The following PIK3AP1 variants were observed in gnomAD, a reference collection of about 807,000 sequenced individuals.
PIK3AP1 encodes phosphoinositide 3-kinase adapter protein 1.
In PIK3AP1, 21 loss-of-function variants were observed where a neutral mutation model predicts 88.1. The ratio of observed to expected loss-of-function variants is 0.24; its 90% CI spans 0.17 to 0.34. The LOEUF (loss-of-function observed/expected upper bound fraction) is 0.34. Ranked by LOEUF, PIK3AP1 falls within the 10% of genes least tolerant of loss-of-function variation. The pLI is 1.00. For synonymous variants in PIK3AP1, 398 were observed against 400.0 expected (o/e 1.00, Z 0.06); for missense variants, 828 against 1,035.7 (o/e 0.80, Z 2.75).
intron 2 of PIK3AP1, among the ~76,000 whole-genome samples, chr10:96,704,134 C>T (rs1844332820): frequency 6.6e-6 from 1 of 152,038 alleles, no homozygotes; most frequent in Non-Finnish European, 1.5e-5. Context: ...GTGAACGCAC[C>T]GAATCTATGA....
intron 2 of PIK3AP1, among the ~76,000 whole-genome samples, chr10:96,694,539 CTTT>C (rs34190226): frequency 9.3e-6 from 1 of 107,598 alleles, no homozygotes; most frequent in African/African-American, 3.3e-5. Context: ...TCCTTTCTTT[CTTT>C]TTTTTTTTTT....
chr10:96,634,872 A>C (rs1179251787), intron 8 of PIK3AP1, among the ~76,000 whole-genome samples: 1 of 152,158 alleles, frequency 6.6e-6, no homozygotes. Flanking sequence ...GCTATAGAGG[A>C]GGATCTGTCT....
At chr10:96,657,014 A>T in intron 2 of PIK3AP1, 80 bp from the exon 3 acceptor site, 1 of 1,453,460 alleles carries the variant, frequency 6.9e-7, no homozygotes, top group Non-Finnish European at 9.4e-7. Flanking sequence ...AGAGCCCCAA[A>T]TATTGCAAAA....
chr10:96,618,139 G>A (rs1053725333), intron 12 of PIK3AP1, among the ~76,000 whole-genome samples: 5 of 152,176 alleles, frequency 3.3e-5, no homozygotes, highest in African/African-American at 7.2e-5. Flanking sequence ...GGATTCTGCC[G>A]TATTAAATAT....
At chr10:96,656,009 C>T (rs1314117802) in intron 3 of PIK3AP1, among the ~76,000 whole-genome samples, 2 of 152,210 alleles carry the variant, frequency 1.3e-5, no homozygotes, top group African/African-American at 4.8e-5. Context: ...CCTCAGCCTG[C>T]ACAAAACCAC....
Position 96,692,512 on chromosome 10 carries a change from T to G in PIK3AP1, c.430+17055A>C, listed in dbSNP as rs114179081. Among the ~76,000 whole-genome samples, 860 of 151,558 alleles carry G rather than the reference T, an allele frequency of 5.7e-3. 8 individuals carry two copies. The highest frequency in any genetic ancestry group is 0.02 in the African/African-American group (827 of 41,222). On this transcript the variant is annotated intron_variant, in intron 2 of 16. Coordinates refer to ENST00000339364, the MANE Select transcript of PIK3AP1 (RefSeq NM_152309.3). ...TCGCTTGAACCAGGGAGCTGGAGAT[T>G]GCAGTGAGCCGAGATCGCCACTGCA...
At position 96,652,716 on chromosome 10, in the gene PIK3AP1, T is replaced by G; in HGVS notation, c.694A>C (p.Ile232Leu). The stretch of plus-strand genomic sequence containing the variant: ...TACTTACTGGGAGCCTTCACTGAAA[T>G]GGTGTACTCATTCTCCACCTTGGCT... ...MEAKVENEYTISVKAPNLSSG... is the reference protein window; with the variant it reads ...MEAKVENEYTLSVKAPNLSSG... The change falls in exon 4 of 17, where the codon ATT (isoleucine) becomes CTT (leucine). Residue 232 changes from isoleucine (I) to leucine (L), a missense_variant. Coordinates refer to ENST00000339364, the MANE Select transcript of PIK3AP1 (RefSeq NM_152309.3). 1 of 1,614,118 alleles carries G rather than the reference T, an allele frequency of 6.2e-7. No individual in the cohort carries two copies. Among genetic ancestry groups the G allele is most frequent in the Non-Finnish European group, 8.5e-7 (1 of 1,179,996 alleles).
intron 14 of PIK3AP1, among the ~76,000 whole-genome samples, chr10:96,608,076 C>T (rs912485): frequency 0.82 from 124,820 of 152,134 alleles, 51,426 homozygotes; most frequent in East Asian, 0.99. Flanking sequence ...AGGGGAAAAG[C>T]ACAGTTTATT....
At chr10:96,715,824 A>G (rs1383109540) in intron 1 of PIK3AP1, among the ~76,000 whole-genome samples, 1 of 151,508 alleles carries the variant, frequency 6.6e-6, no homozygotes, top group Non-Finnish European at 1.5e-5. Context: ...CGGGAGGCGG[A>G]GCTTGCAGTG....
intron 10 of PIK3AP1, 94 bp downstream of exon 10, chr10:96,626,614 C>T: frequency 7.5e-7 from 1 of 1,339,964 alleles, no homozygotes; most frequent in Non-Finnish European, 1.0e-6. Context: ...AGGGGATAGT[C>T]TCTGAGCAAT....
chr10:96,675,798 GTTAATA>G (rs1297046451), intron 2 of PIK3AP1, among the ~76,000 whole-genome samples: 1 of 152,148 alleles, frequency 6.6e-6, no homozygotes, highest in Non-Finnish European at 1.5e-5. Context: ...TCATTTCTCT[GTTAATA>G]TTAATAACAA....
chr10:96,670,748 A>G (rs1267762743), intron 2 of PIK3AP1, among the ~76,000 whole-genome samples: 1 of 152,206 alleles, frequency 6.6e-6, no homozygotes, highest in Admixed American at 6.5e-5. Context: ...TATTTTTCTT[A>G]AGTTGAAAAC....
chr10:96,657,045 C>A, intron 2 of PIK3AP1, 111 bp from the exon 3 acceptor site: 1 of 1,119,652 alleles, frequency 8.9e-7, no homozygotes, highest in South Asian at 1.5e-5. Context: ...CTCTGAATGT[C>A]AAACCAATAC....
At chr10:96,699,016 A>T (rs1844258598) in intron 2 of PIK3AP1, among the ~76,000 whole-genome samples, 1 of 149,074 alleles carries the variant, frequency 6.7e-6, no homozygotes, top group Non-Finnish European at 1.5e-5. Context: ...CATCTCTACT[A>T]AAAAAAAACC....
At chr10:96,629,173 ATGT>A (rs1371248664) in intron 8 of PIK3AP1, among the ~76,000 whole-genome samples, 2 of 151,982 alleles carry the variant, frequency 1.3e-5, no homozygotes, top group African/African-American at 4.8e-5. Flanking sequence ...CAAAAACATA[ATGT>A]TGAGTGAAAA....
chr10:96,659,710 A>C (rs896767685), intron 2 of PIK3AP1, among the ~76,000 whole-genome samples: 2 of 151,968 alleles, frequency 1.3e-5, no homozygotes, highest in African/African-American at 4.8e-5. Flanking sequence ...CAAAAAAAAA[A>C]AAAACAAAAT....
chr10:96,711,644 C>A (rs1398445164), intron 1 of PIK3AP1, among the ~76,000 whole-genome samples: 1 of 151,940 alleles, frequency 6.6e-6, no homozygotes, highest in Non-Finnish European at 1.5e-5. Flanking sequence ...CTCTTGCCTG[C>A]CCCCATCCAA....
chr10:96,669,103 G>A (rs1843806420), intron 2 of PIK3AP1, among the ~76,000 whole-genome samples: 1 of 152,172 alleles, frequency 6.6e-6, no homozygotes, highest in Non-Finnish European at 1.5e-5. Context: ...CTGCACTCCA[G>A]CCTGGGTGAC....
intron 12 of PIK3AP1, 131 bp from the exon 13 acceptor site, chr10:96,616,842 A>T: frequency 1.2e-6 from 1 of 834,296 alleles, no homozygotes; most frequent in Non-Finnish European, 2.0e-6. Flanking sequence ...CATGCAAATG[A>T]GGCTCAGCGC....
Sources: gnomAD v4.1 joint callset for allele counts (sites outside exome capture counted in the v4.1 genomes callset) on GRCh38, gnomAD v4.1.1 for gene constraint, MANE v1.5 for transcripts, NCBI Gene and HGNC (gene_info 2026-07-23, HGNC 2026-07-21) for gene names.